The following ZEB1 variants were observed in gnomAD, a reference collection of about 807,000 sequenced individuals.
The protein encoded by ZEB1 is zinc finger E-box-binding homeobox 1.
In ZEB1, 21 loss-of-function variants were observed where a neutral mutation model predicts 84.9. That is an observed-to-expected ratio of 0.25 (90% CI 0.18 to 0.36). The LOEUF (loss-of-function observed/expected upper bound fraction) is 0.36, where lower values mean the gene tolerates loss of function less well. ZEB1 is among the 10% of genes least tolerant of loss of function. ZEB1 has a pLI of 1.00. For synonymous variants in ZEB1, 420 were observed against 471.1 expected (o/e 0.89, Z 1.41); for missense variants, 1,104 against 1,330.2 (o/e 0.83, Z 2.65).
intron 1 of ZEB1, among the ~76,000 whole-genome samples, chr10:31,405,689 G>C (rs575683738): frequency 1.5e-4 from 23 of 151,008 alleles, no homozygotes; most frequent in South Asian, 4.2e-4. Flanking sequence ...AGTGGAACGT[G>C]TTTCTATTAC....
chr10:31,526,898 T>C lies in ZEB1; in HGVS notation c.3012T>C (p.Pro1004=), dbSNP rs1163292891. 1.2e-5 allele frequency: 19 copies of C among 1,614,128 alleles called. No homozygotes were observed. Among genetic ancestry groups the C allele is most frequent in the Non-Finnish European group, 1.5e-5 (18 of 1,180,040 alleles). The change falls in exon 9 of 9, where the codon CCT becomes CCC. Residue 1004 remains proline (P), a synonymous_variant. Coordinates refer to ENST00000424869, the MANE Select transcript of ZEB1 (RefSeq NM_001174096.2). Reference sequence around the variant, plus strand: ...GCACAGAGCAGGAAGAGGCAGGGCCTGAAATCCTCTCGAATGAGCACGTGG... The same window carrying C: ...GCACAGAGCAGGAAGAGGCAGGGCCCGAAATCCTCTCGAATGAGCACGTGG... ...RDSTEQEEAG[P]EILSNEHVGA... is the part of the protein sequence containing the mutation.
intron 1 of ZEB1, among the ~76,000 whole-genome samples, chr10:31,438,848 A>T (rs1296146087): frequency 6.6e-6 from 1 of 152,178 alleles, no homozygotes; most frequent in Non-Finnish European, 1.5e-5. Flanking sequence ...CGTGTCTAAA[A>T]TATACATACA....
chr10:31,433,348 A>G (rs1169336853), intron 1 of ZEB1, among the ~76,000 whole-genome samples: 1 of 152,148 alleles, frequency 6.6e-6, no homozygotes, highest in Non-Finnish European at 1.5e-5. Flanking sequence ...TGCAGTTAAC[A>G]TGTTTTCCAA....
At chr10:31,510,002 A>G (rs1351030551) in intron 4 of ZEB1, among the ~76,000 whole-genome samples, 2 of 152,168 alleles carry the variant, frequency 1.3e-5, no homozygotes, top group South Asian at 2.1e-4. Flanking sequence ...GTGTATTTCA[A>G]TAGGGGAAAT....
At chr10:31,388,824 G>C (rs2049111565) in intron 1 of ZEB1, among the ~76,000 whole-genome samples, 1 of 151,854 alleles carries the variant, frequency 6.6e-6, no homozygotes, top group Non-Finnish European at 1.5e-5. Context: ...CTTTTTGCCA[G>C]TTGAGAAAAC....
intron 2 of ZEB1, among the ~76,000 whole-genome samples, chr10:31,482,290 G>A (rs1320724546): frequency 6.6e-6 from 1 of 151,836 alleles, no homozygotes; most frequent in Non-Finnish European, 1.5e-5. Flanking sequence ...CAAGTTGAGG[G>A]GCATATGACA....
intron 1 of ZEB1, among the ~76,000 whole-genome samples, chr10:31,390,668 A>G: frequency 6.6e-6 from 1 of 152,056 alleles, no homozygotes; most frequent in African/African-American, 2.4e-5. Flanking sequence ...TTTCCATTGC[A>G]TCTGTCACAT....
At chr10:31,337,574 G>A (rs1292105522) in intron 1 of ZEB1, among the ~76,000 whole-genome samples, 1 of 148,450 alleles carries the variant, frequency 6.7e-6, no homozygotes, top group Non-Finnish European at 1.5e-5. Context: ...ATGTACGTAT[G>A]TTTAATTTTT....
chr10:31,527,274 T>C lies in ZEB1; in HGVS notation c.*10T>C, dbSNP rs1220717682. 3 of 1,594,054 alleles carry C rather than the reference T, an allele frequency of 1.9e-6. No homozygotes were observed. The highest frequency in any genetic ancestry group is 3.4e-5 in the Admixed American group (2 of 59,258). On this transcript the variant is annotated 3_prime_UTR_variant, in exon 9 of 9. Coordinates refer to ENST00000424869, the MANE Select transcript of ZEB1 (RefSeq NM_001174096.2). ...GACAAATGAAGCCTAATCGTTTTTC[T>C]AGAAGGAAAATAAATTCTAATTGAT...
At chr10:31,424,223 A>G (rs1056469081) in intron 1 of ZEB1, among the ~76,000 whole-genome samples, 24 of 152,160 alleles carry the variant, frequency 1.6e-4, no homozygotes, top group Admixed American at 6.5e-4. Context: ...CAATGCCATC[A>G]TCAGTGAGAC....
intron 1 of ZEB1, among the ~76,000 whole-genome samples, chr10:31,323,704 A>C (rs1176499853): frequency 6.6e-6 from 1 of 152,110 alleles, no homozygotes; most frequent in Admixed American, 6.5e-5. Flanking sequence ...GCATATAAAT[A>C]ATTGCATGAG....
rs552396645 is a variant in ZEB1 at position 31,529,722 on chromosome 10, A to G, written c.*2458A>G. ...CTTCTAATTCCAGAATATATGTTAA[A>G]TGATCTAATAATTTGATTATTTTCT... On this transcript the variant is annotated 3_prime_UTR_variant, in exon 9 of 9. Coordinates refer to ENST00000424869, the MANE Select transcript of ZEB1 (RefSeq NM_001174096.2). The G allele has an allele frequency of 1.3e-5, 2 of 152,246 alleles. No homozygotes were observed. The highest frequency in any genetic ancestry group is 2.4e-5 in the African/African-American group (1 of 41,452). The allele number at this position is 152,246 out of a possible 1,614,324, so 9.4% of individuals were successfully genotyped here. A position where few individuals can be genotyped will look rare whatever the true frequency, so the allele number is the denominator to read the frequency against.
At position 31,364,815 on chromosome 10, in the gene ZEB1, G is replaced by A. The variant is rs541730456; in HGVS notation, c.58+45523G>A. 4.6e-5 allele frequency among the ~76,000 whole-genome samples: 7 copies of A among 152,348 alleles called. No homozygotes were observed. In the South Asian group the frequency reaches 1.2e-3, roughly 27 times the overall value. ...TGTGTGCCTCATGATCATGGATACAGCATCTATTCTTATTTTTTCATGTAG... is the reference window on the plus strand; with the variant it reads ...TGTGTGCCTCATGATCATGGATACAACATCTATTCTTATTTTTTCATGTAG... On this transcript the variant is annotated intron_variant, in intron 1 of 8. Transcript: ENST00000424869.
intron 2 of ZEB1, among the ~76,000 whole-genome samples, chr10:31,479,111 A>C (rs1286465331): frequency 1.3e-5 from 2 of 152,036 alleles, no homozygotes; most frequent in East Asian, 3.9e-4. Flanking sequence ...ACTGTTATGA[A>C]CAGTTATACA....
intron 2 of ZEB1, among the ~76,000 whole-genome samples, chr10:31,470,065 A>G (rs1017464728): frequency 1.3e-5 from 2 of 151,646 alleles, no homozygotes; most frequent in Non-Finnish European, 3.0e-5. Flanking sequence ...CCATCTGTAC[A>G]TCACCATCAT....
chr10:31,319,684 C>T (rs2033213048), intron 1 of ZEB1: 1 of 204,260 alleles, frequency 4.9e-6, no homozygotes, highest in Admixed American at 6.1e-5. Flanking sequence ...TTTCCCCACT[C>T]TTGTGCCCTT....
Position 31,480,420 on chromosome 10 carries a change from CT to C in ZEB1, c.260-15355del, listed in dbSNP as rs542291925. Among the ~76,000 whole-genome samples, 1,387 of 152,138 alleles carry C rather than the reference CT, an allele frequency of 9.1e-3. 12 individuals carry two copies. Among genetic ancestry groups the C allele is most frequent in the African/African-American group, 0.031 (1,297 of 41,548 alleles). Reference sequence around the variant, plus strand: ...ATCCTTCAAGATTCAGTTGAACCTACTCTTTGGAATCATTTTCAACCAGAGG... The same window carrying C: ...ATCCTTCAAGATTCAGTTGAACCTACCTTTGGAATCATTTTCAACCAGAGG... On this transcript the variant is annotated intron_variant, in intron 2 of 8. Coordinates refer to ENST00000424869, the MANE Select transcript of ZEB1 (RefSeq NM_001174096.2).
At chr10:31,460,976 A>ATGT in intron 1 of ZEB1, 61 bp from the exon 2 acceptor site, 1 of 1,303,704 alleles carries the variant, frequency 7.7e-7, no homozygotes, top group Non-Finnish European at 1.1e-6. Flanking sequence ...TTTTTCTGAG[A>ATGT]TGTAAAAACT....
At chr10:31,338,176 T>C (rs372345141) in intron 1 of ZEB1, among the ~76,000 whole-genome samples, 2 of 152,248 alleles carry the variant, frequency 1.3e-5, no homozygotes, top group South Asian at 4.1e-4. Flanking sequence ...TTATATTTTT[T>C]TCTAACTTAA....
Sources: allele counts gnomAD v4.1 joint callset (sites outside exome capture counted in the v4.1 genomes callset), GRCh38; gene constraint gnomAD v4.1.1; transcripts MANE v1.5; gene names NCBI Gene and HGNC (gene_info 2026-07-23, HGNC 2026-07-21).